Variants in AFG1L observed in about 807,000 individuals in gnomAD.
AFG1L encodes AFG1-like ATPase.
Under a neutral mutation model 62.2 loss-of-function variants are expected in AFG1L, and 53 were observed. The observed-to-expected ratio is 0.85, with a 90% confidence interval of 0.68 to 1.07. The LOEUF is 1.07. Ranked by LOEUF, AFG1L falls within the 50% of genes least tolerant of loss-of-function variation. AFG1L has a pLI of 0.00. For missense variants in AFG1L, 555 were observed against 590.5 expected, an observed-to-expected ratio of 0.94 and a Z score of 0.62; for synonymous variants, 228 against 210.3, an observed-to-expected ratio of 1.08 and a Z score of -0.73.
At chr6:108,390,000 C>T (rs2114588545) in intron 6 of AFG1L, among the ~76,000 whole-genome samples, 1 of 152,340 alleles carries the variant, frequency 6.6e-6, no homozygotes, top group Admixed American at 6.5e-5. Flanking sequence ...TTCTCCCTTT[C>T]ACTTTCAGGT....
At chr6:108,515,971 T>A (rs1774867249) in intron 11 of AFG1L, among the ~76,000 whole-genome samples, 1 of 152,214 alleles carries the variant, frequency 6.6e-6, no homozygotes, top group Non-Finnish European at 1.5e-5. Flanking sequence ...AATCTCTGAA[T>A]AGACCAATAA....
At chr6:108,516,997 A>G (rs1774921882) in intron 11 of AFG1L, among the ~76,000 whole-genome samples, 1 of 152,214 alleles carries the variant, frequency 6.6e-6, no homozygotes, top group South Asian at 2.1e-4. Flanking sequence ...TCAATGAAAT[A>G]AAAGAGGATA....
At chr6:108,506,891 T>A (rs1217382549) in intron 10 of AFG1L, among the ~76,000 whole-genome samples, 2 of 152,360 alleles carry the variant, frequency 1.3e-5, no homozygotes, top group East Asian at 3.9e-4. Context: ...TTATCTTTCC[T>A]ATTTATTATT....
chr6:108,463,907 A>C (rs758798585), intron 8 of AFG1L, among the ~76,000 whole-genome samples: 47 of 152,294 alleles, frequency 3.1e-4, no homozygotes, highest in Admixed American at 4.6e-4. Context: ...CCAGCCCCAG[A>C]TTATGTTTGG....
chr6:108,295,142 G>A lies in AFG1L; in HGVS notation c.63G>A (p.Gly21=), dbSNP rs1004559646. 1.9e-6 allele frequency: 3 copies of A among 1,610,848 alleles called. No individual in the cohort carries two copies. Among genetic ancestry groups the A allele is most frequent in the Admixed American group, 3.3e-5 (2 of 60,026 alleles). ...CCTTAGCACAGAGCCCGCTGAGAGG[G>A]AGATGTGTTGGGTGCGGGGCCTGGG... is the stretch of plus-strand genomic sequence containing the variant. ...LRPLAQSPLR[G]RCVGCGAWAA... The change falls in exon 1 of 13, where the codon GGG becomes GGA. Residue 21 remains glycine, a synonymous_variant. Transcript: ENST00000368977.
chr6:108,346,858 G>C, intron 2 of AFG1L, 130 bp from the exon 3 acceptor site: 1 of 669,942 alleles, frequency 1.5e-6, no homozygotes, highest in South Asian at 1.8e-5. Flanking sequence ...TTTATATCAA[G>C]TTTTTTTCTT....
chr6:108,522,515 C>A lies in AFG1L; in HGVS notation c.*90C>A. On this transcript the variant is annotated 3_prime_UTR_variant, in exon 13 of 13. Transcript: ENST00000368977. ...GGACTTGAAGGAATCATTTTCTCATCATTAATTATGCACTTTGTCCTCTGG... is the reference window on the plus strand; with the variant it reads ...GGACTTGAAGGAATCATTTTCTCATAATTAATTATGCACTTTGTCCTCTGG... The A allele has an allele frequency of 2.1e-6, 3 of 1,400,378 alleles. No homozygotes were observed. The highest frequency in any genetic ancestry group is 1.9e-6 in the Non-Finnish European group (2 of 1,028,430). The allele number at this position is 1,400,378 out of a possible 1,614,324, so 86.7% of individuals were successfully genotyped here.
At chr6:108,414,295 A>C (rs1349291187) in intron 7 of AFG1L, among the ~76,000 whole-genome samples, 3 of 152,314 alleles carry the variant, frequency 2.0e-5, no homozygotes, top group Admixed American at 1.3e-4. Flanking sequence ...CTACCAACCC[A>C]AAAAAGTCCA....
At chr6:108,300,155 T>A (rs1776926364) in intron 1 of AFG1L, among the ~76,000 whole-genome samples, 2 of 149,212 alleles carry the variant, frequency 1.3e-5, no homozygotes, top group South Asian at 4.3e-4. Flanking sequence ...CTATTAGGGT[T>A]TTTTTTTTTT....
intron 1 of AFG1L, chr6:108,319,887 A>T (rs1777753329): frequency 3.3e-6 from 1 of 304,148 alleles, no homozygotes; most frequent in Admixed American, 3.6e-5. Context: ...TCTGCACATT[A>T]TTTGTACTAA....
chr6:108,378,099 C>A lies in AFG1L; in HGVS notation c.748+11767C>A, dbSNP rs146791113. Among the ~76,000 whole-genome samples the A allele has an allele frequency of 4.7e-3, 655 of 138,480 alleles. 5 individuals carry two copies. The highest frequency in any genetic ancestry group is 0.017 in the African/African-American group (628 of 37,278). The allele number at this position is 138,480 out of a possible 152,430, so 90.8% of individuals were successfully genotyped here. On this transcript the variant is annotated intron_variant, in intron 6 of 12. Transcript: ENST00000368977. Reference sequence around the variant, plus strand: ...CAGTCTTGAAGTCCTGAAATTCTTTCTTCTGCTTGGTCCAGTCCATTTATA... The same window carrying A: ...CAGTCTTGAAGTCCTGAAATTCTTTATTCTGCTTGGTCCAGTCCATTTATA...
At chr6:108,497,190 A>G (rs1161437360) in intron 10 of AFG1L, among the ~76,000 whole-genome samples, 2 of 152,048 alleles carry the variant, frequency 1.3e-5, no homozygotes, top group African/African-American at 4.8e-5. Context: ...AACTAAACTG[A>G]TTTGCTCTTC....
At chr6:108,314,801 C>CCTTA (rs1158142024) in intron 1 of AFG1L, among the ~76,000 whole-genome samples, 2 of 151,998 alleles carry the variant, frequency 1.3e-5, no homozygotes, top group Non-Finnish European at 2.9e-5. Flanking sequence ...ACAAAATCTG[C>CCTTA]CTTACTTACC....
chr6:108,400,483 A>G (rs981029658), intron 6 of AFG1L, among the ~76,000 whole-genome samples: 12 of 148,262 alleles, frequency 8.1e-5, no homozygotes, highest in African/African-American at 3.0e-4. Flanking sequence ...TGGAGTTTTA[A>G]TTTTTAGGCA....
intron 6 of AFG1L, 70 bp from the exon 7 acceptor site, chr6:108,401,926 C>T: frequency 1.4e-6 from 1 of 698,612 alleles, no homozygotes; most frequent in Non-Finnish European, 2.4e-6. Context: ...GCTTTATTTG[C>T]CAGGCTAAAC....
intron 10 of AFG1L, among the ~76,000 whole-genome samples, chr6:108,508,390 C>T (rs1774504984): frequency 6.6e-6 from 1 of 152,206 alleles, no homozygotes; most frequent in African/African-American, 2.4e-5. Context: ...CAGCTAAGGC[C>T]AGGCACGAGG....
chr6:108,434,861 G>A (rs949024723), intron 7 of AFG1L, among the ~76,000 whole-genome samples: 4 of 152,172 alleles, frequency 2.6e-5, no homozygotes, highest in Non-Finnish European at 5.9e-5. Context: ...TCGCTAAGCT[G>A]TCTTTTGCAT....
chr6:108,382,459 C>T (rs1055434153), intron 6 of AFG1L, among the ~76,000 whole-genome samples: 1 of 152,104 alleles, frequency 6.6e-6, no homozygotes, highest in African/African-American at 2.4e-5. Flanking sequence ...AGTTGGCTAA[C>T]AGTTATGGGT....
At chr6:108,356,223 T>C (rs1404259605) in intron 4 of AFG1L, among the ~76,000 whole-genome samples, 1 of 152,194 alleles carries the variant, frequency 6.6e-6, no homozygotes, top group Non-Finnish European at 1.5e-5. Context: ...TGTGTTTTTT[T>C]CCTCTAATAC....
Sources: gnomAD v4.1 joint callset for allele counts (sites outside exome capture counted in the v4.1 genomes callset) on GRCh38, gnomAD v4.1.1 for gene constraint, MANE v1.5 for transcripts, NCBI Gene and HGNC (gene_info 2026-07-23, HGNC 2026-07-21) for gene names.